GBE1: variants seen among roughly 807,000 people sequenced by gnomAD.
GBE1 encodes the protein 1,4-alpha-glucan-branching enzyme.
A neutral mutation model predicts 88.8 loss-of-function variants in GBE1; 70 were observed. The observed-to-expected ratio is 0.79, with a 90% CI of 0.65 to 0.96. GBE1 has a LOEUF of 0.96. GBE1 is among the 40% of genes least tolerant of loss of function. GBE1 has a pLI of 0.00. For synonymous variants in GBE1, 284 were observed against 300.1 expected (o/e 0.95, Z 0.56); for missense variants, 872 against 871.0 (o/e 1.00, Z -0.01).
chr3:81,572,884 T>C (rs1703593041), intron 12 of GBE1, among the ~76,000 whole-genome samples: 1 of 152,130 alleles, frequency 6.6e-6, no homozygotes, highest in Non-Finnish European at 1.5e-5. Context: ...CATAGCAACA[T>C]TCCTGGGTCA....
At chr3:81,698,339 T>C (rs1705633820) in intron 2 of GBE1, among the ~76,000 whole-genome samples, 1 of 152,066 alleles carries the variant, frequency 6.6e-6, no homozygotes, top group East Asian at 1.9e-4. Flanking sequence ...TCTTGTCACA[T>C]AAAACTAAAG....
chr3:81,582,952 T>A (rs1026396380), intron 10 of GBE1, among the ~76,000 whole-genome samples: 8 of 151,900 alleles, frequency 5.3e-5, no homozygotes, highest in East Asian at 1.9e-4. Context: ...AGCATCAGAC[T>A]AGGAGAAAAA....
At chr3:81,754,345 G>A (rs1032419637) in intron 1 of GBE1, among the ~76,000 whole-genome samples, 60 of 152,018 alleles carry the variant, frequency 3.9e-4, no homozygotes, top group Admixed American at 3.7e-3. Context: ...CCATGTTTAC[G>A]GATTAGAAGG....
At chr3:81,629,747 G>C (rs1704478604) in intron 7 of GBE1, among the ~76,000 whole-genome samples, 1 of 151,868 alleles carries the variant, frequency 6.6e-6, no homozygotes. Flanking sequence ...TTAAGTTTTA[G>C]GGTACATGTG....
intron 7 of GBE1, among the ~76,000 whole-genome samples, chr3:81,603,653 C>T (rs1164497109): frequency 2.6e-5 from 4 of 152,056 alleles, no homozygotes; most frequent in African/African-American, 7.2e-5. Context: ...CACCACCACG[C>T]CCAGCTAATT....
At chr3:81,503,704 G>A (rs993718737) in intron 14 of GBE1, among the ~76,000 whole-genome samples, 4 of 152,146 alleles carry the variant, frequency 2.6e-5, no homozygotes, top group African/African-American at 9.7e-5. Context: ...GAGTTGGGAG[G>A]TGCGCGTAAG....
At chr3:81,555,494 A>G (rs1292526199) in intron 12 of GBE1, among the ~76,000 whole-genome samples, 1 of 152,214 alleles carries the variant, frequency 6.6e-6, no homozygotes, top group Non-Finnish European at 1.5e-5. Flanking sequence ...TGGGTGCTGC[A>G]TTTAATTTTT....
chr3:81,593,925 T>C lies in GBE1; in HGVS notation c.1091A>G (p.Tyr364Cys), dbSNP rs1432064387. The C allele has an allele frequency of 1.3e-6, 2 of 1,560,430 alleles. No homozygotes were observed. The highest frequency in any genetic ancestry group is 4.6e-5 in the East Asian group (2 of 43,088). ...FRFDGVTSML[Y>C]HHHGVGQGFS... ...TTACCTACCCACTCCATGGTGATGATAAAGCATGGACGTAACACCATCAAA... is the reference window on the plus strand; with the variant it reads ...TTACCTACCCACTCCATGGTGATGACAAAGCATGGACGTAACACCATCAAA... The change falls in exon 8 of 16, where the codon TAT becomes TGT. Residue 364 changes from tyrosine (Y) to cysteine (C), a missense_variant. Tyr to Cys is a radical substitution (Grantham distance 194). Coordinates refer to ENST00000429644, the MANE Select transcript of GBE1 (RefSeq NM_000158.4).
intron 7 of GBE1, among the ~76,000 whole-genome samples, chr3:81,637,864 G>A (rs1163188921): frequency 1.3e-5 from 2 of 151,912 alleles, no homozygotes; most frequent in Non-Finnish European, 2.9e-5. Flanking sequence ...ATATAATTAA[G>A]CTAAAATTTT....
At chr3:81,643,102 A>G in intron 6 of GBE1, 112 bp from the exon 7 acceptor site, 1 of 715,970 alleles carries the variant, frequency 1.4e-6, no homozygotes, top group Non-Finnish European at 2.4e-6. Context: ...ATATCCAAAC[A>G]GCATGTGACA....
chr3:81,692,379 T>A (rs899309366), intron 2 of GBE1, among the ~76,000 whole-genome samples: 6 of 152,202 alleles, frequency 3.9e-5, no homozygotes, highest in African/African-American at 1.4e-4. Flanking sequence ...ACTTCATGCT[T>A]CATATGCTTT....
intron 14 of GBE1, chr3:81,534,535 A>G (rs1388566464): frequency 1.3e-5 from 2 of 152,070 alleles, no homozygotes; most frequent in Non-Finnish European, 2.9e-5. Context: ...GGTTATTTCT[A>G]CTGCTCACAC....
intron 1 of GBE1, among the ~76,000 whole-genome samples, chr3:81,749,493 G>A (rs1461503061): frequency 6.6e-6 from 1 of 152,204 alleles, no homozygotes; most frequent in African/African-American, 2.4e-5. Context: ...TAAAGGAATA[G>A]CAGGAGAGCA....
chr3:81,669,061 G>A (rs938297570), intron 3 of GBE1, among the ~76,000 whole-genome samples: 6 of 152,008 alleles, frequency 3.9e-5, no homozygotes, highest in Admixed American at 6.6e-5. Context: ...AATAGAACTC[G>A]GCAGCTAAAA....
chr3:81,639,580 T>A (rs1459242496), intron 7 of GBE1, among the ~76,000 whole-genome samples: 2 of 152,166 alleles, frequency 1.3e-5, no homozygotes, highest in Admixed American at 1.3e-4. Flanking sequence ...CCTAACAAGT[T>A]TTATTAGATA....
At chr3:81,727,007 TG>T (rs1403457190) in intron 1 of GBE1, among the ~76,000 whole-genome samples, 1 of 152,168 alleles carries the variant, frequency 6.6e-6, no homozygotes, top group Non-Finnish European at 1.5e-5. Context: ...TTAGTAATGA[TG>T]GGTGGAGGAG....
intron 3 of GBE1, among the ~76,000 whole-genome samples, chr3:81,662,322 G>A (rs1442534038): frequency 2.6e-5 from 4 of 152,054 alleles, no homozygotes; most frequent in African/African-American, 4.8e-5. Flanking sequence ...GTGAGCCACC[G>A]TACCCGGCCC....
rs971239333 is a variant in GBE1 at position 81,589,384 on chromosome 3, TA to T, written c.1236+1652del. The stretch of plus-strand genomic sequence containing the variant: ...ATTCGTTCAAATACATTCCTTTTCT[TA>T]AAAAAAAAAAAGTTCATGGGGATCA... On this transcript the variant is annotated intron_variant, in intron 9 of 15. Coordinates refer to ENST00000429644, the MANE Select transcript of GBE1 (RefSeq NM_000158.4). Among the ~76,000 whole-genome samples, 385 of 144,196 alleles carry T rather than the reference TA, an allele frequency of 2.7e-3. 1 individual carries two copies. Among genetic ancestry groups the T allele is most frequent in the African/African-American group, 6.4e-3 (255 of 39,786 alleles). 94.6% of individuals were successfully genotyped at this position (144,196 alleles called of 152,430 possible).
intron 1 of GBE1, among the ~76,000 whole-genome samples, chr3:81,723,619 T>A (rs1480705012): frequency 6.6e-6 from 1 of 152,182 alleles, no homozygotes; most frequent in African/African-American, 2.4e-5. Flanking sequence ...CTTCAATACC[T>A]ATTTTCCTTC....
Sources: gnomAD v4.1 joint callset for allele counts (sites outside exome capture counted in the v4.1 genomes callset) on GRCh38, gnomAD v4.1.1 for gene constraint, MANE v1.5 for transcripts, NCBI Gene and HGNC (gene_info 2026-07-23, HGNC 2026-07-21) for gene names.